The following USP24 variants were observed in gnomAD, a reference collection of about 807,000 sequenced individuals.
USP24 encodes ubiquitin specific peptidase 24, also known as ubiquitin carboxyl-terminal hydrolase 24.
USP24 carries 97 observed loss-of-function variants against 361.6 expected under a neutral mutation model. The ratio of observed to expected loss-of-function variants is 0.27; its 90% CI spans 0.23 to 0.32. The LOEUF (loss-of-function observed/expected upper bound fraction) is 0.32, where lower values mean the gene tolerates loss of function less well. Ranked by LOEUF, USP24 falls within the 10% of genes least tolerant of loss-of-function variation. The pLI is 1.00. For missense variants in USP24, 2,353 were observed against 3,165.6 expected (o/e 0.74, Z 6.16); for synonymous variants, 1,098 against 1,124.6 (o/e 0.98, Z 0.47).
chr1:55,137,882 C>A lies in USP24; in HGVS notation c.2951G>T (p.Gly984Val). 6.3e-7 allele frequency: 1 copy of A among 1,592,086 alleles called. No homozygotes were observed. The highest frequency in any genetic ancestry group is 8.6e-7 in the Non-Finnish European group (1 of 1,168,116). Reference sequence around the variant, plus strand: ...CTTGGCTATTTTCCACCGGACACTCCCTATGGTTTCATTACTGTGAGCCTG... The same window carrying A: ...CTTGGCTATTTTCCACCGGACACTCACTATGGTTTCATTACTGTGAGCCTG... Reference protein sequence around the residue: ...TVEAHSNETIGSVRWKIAKQL... With the variant: ...TVEAHSNETIVSVRWKIAKQL... The change falls in exon 27 of 68, where the codon GGG becomes GTG. Residue 984 changes from glycine (G) to valine (V), a missense_variant. Gly to Val is a moderately radical substitution (Grantham distance 109). Coordinates refer to ENST00000294383, the MANE Select transcript of USP24 (RefSeq NM_015306.3).
chr1:55,147,249 C>G (rs1647052761), intron 18 of USP24, among the ~76,000 whole-genome samples, 189 bp from the exon 19 acceptor site: 1 of 152,066 alleles, frequency 6.6e-6, no homozygotes, highest in African/African-American at 2.4e-5. Context: ...CTATCTATCT[C>G]AAGTCTATTA....
Position 55,068,879 on chromosome 1 carries a change from A to T in USP24, c.*166T>A. The T allele has an allele frequency of 3.0e-6, 2 of 665,218 alleles. No homozygotes were observed. Among genetic ancestry groups the T allele is most frequent in the Non-Finnish European group, 5.0e-6 (2 of 398,664 alleles). The allele number at this position is 665,218 out of a possible 1,614,324, so 41.2% of individuals were successfully genotyped here. A position where few individuals can be genotyped will look rare whatever the true frequency, so the allele number is the denominator to read the frequency against. Reference sequence around the variant, plus strand: ...CTGCCAAACAGCTCCCAAACCTTCTAGTGGCTTAAAAATGCTTTCCTTGAG... The same window carrying T: ...CTGCCAAACAGCTCCCAAACCTTCTTGTGGCTTAAAAATGCTTTCCTTGAG... On this transcript the variant is annotated 3_prime_UTR_variant, in exon 68 of 68. Coordinates refer to ENST00000294383, the MANE Select transcript of USP24 (RefSeq NM_015306.3).
chr1:55,109,429 T>A, intron 39 of USP24, among the ~76,000 whole-genome samples: 1 of 152,178 alleles, frequency 6.6e-6, no homozygotes, highest in East Asian at 1.9e-4. Context: ...GGGAAAGAGA[T>A]TTGCTTCTTT....
chr1:55,175,656 C>G (rs972306572), intron 3 of USP24, among the ~76,000 whole-genome samples: 1 of 152,186 alleles, frequency 6.6e-6, no homozygotes, highest in Non-Finnish European at 1.5e-5. Flanking sequence ...TGCAACTTTT[C>G]TGAGCTCTTT....
chr1:55,110,844 C>T (rs1645928424), intron 38 of USP24, among the ~76,000 whole-genome samples: 1 of 152,106 alleles, frequency 6.6e-6, no homozygotes, highest in Non-Finnish European at 1.5e-5. Flanking sequence ...GTCCCATGGA[C>T]AACTACTTCA....
Position 55,071,167 on chromosome 1 carries a change from G to A in USP24, c.7800+647C>T, listed in dbSNP as rs140107401. On this transcript the variant is annotated intron_variant, in intron 67 of 67. Coordinates refer to ENST00000294383, the MANE Select transcript of USP24 (RefSeq NM_015306.3). ...TACATCAGTAACATTCATTTAATGG[G>A]GCCTATTCTGTACCAAGTACTGTGA... The A allele has an allele frequency of 4.5e-4, 445 of 985,496 alleles. 2 individuals are homozygous for A. The African/African-American group carries it at 7.0e-3, about 15-fold the overall frequency. 61.0% of individuals were successfully genotyped at this position (985,496 alleles called of 1,614,324 possible). A position where few individuals can be genotyped will look rare whatever the true frequency, so the allele number is the denominator to read the frequency against.
intron 12 of USP24, among the ~76,000 whole-genome samples, chr1:55,156,323 T>C (rs1647654850): frequency 6.6e-6 from 1 of 151,974 alleles, no homozygotes; most frequent in Non-Finnish European, 1.5e-5. Context: ...GCCACAGGAA[T>C]GCCTGCAATT....
chr1:55,179,798 C>T (rs1221185045), intron 1 of USP24, among the ~76,000 whole-genome samples: 2 of 152,184 alleles, frequency 1.3e-5, no homozygotes, highest in Non-Finnish European at 2.9e-5. Flanking sequence ...AATTCCTCTA[C>T]TTCTGTCCAT....
chr1:55,132,693 A>G lies in USP24; in HGVS notation c.3389T>C (p.Leu1130Ser). Residue 1130 changes from leucine (L) to serine (S), a missense_variant, in exon 31 of 68, where the codon TTG becomes TCG. Physicochemically the swap from Leu to Ser is moderately radical, Grantham distance 145. Around this residue, in one of 8 missense-constraint regions of USP24, gnomAD observed 949 missense variants for 1,280.5 expected, o/e 0.74. Transcript: ENST00000294383. Reference sequence around the variant, plus strand: ...GGACTGAGAACTTGATTCAGACAGCAATGTTTTCTAAGTTTAAGAGAATGA... The same window carrying G: ...GGACTGAGAACTTGATTCAGACAGCGATGTTTTCTAAGTTTAAGAGAATGA... ...QLDSLGRKKT[L>S]LSESSSQSSK... 1.2e-6 allele frequency: 2 copies of G among 1,612,404 alleles called. No homozygotes were observed. Among genetic ancestry groups the G allele is most frequent in the Non-Finnish European group, 1.7e-6 (2 of 1,179,114 alleles).
At chr1:55,180,299 C>T (rs1253353984) in intron 1 of USP24, among the ~76,000 whole-genome samples, 1 of 152,170 alleles carries the variant, frequency 6.6e-6, no homozygotes, top group Non-Finnish European at 1.5e-5. Context: ...ATGAAAGGCA[C>T]TACAGCTTCC....
chr1:55,120,733 C>A lies in USP24; in HGVS notation c.4371G>T (p.Gln1457His). Residue 1457 changes from glutamine to histidine, a missense_variant, in exon 38 of 68, where the codon CAG (glutamine) becomes CAT (histidine). This residue lies in a region of USP24 where 949 missense variants were observed against 1,280.5 expected (regional missense o/e 0.74). Coordinates refer to ENST00000294383, the MANE Select transcript of USP24 (RefSeq NM_015306.3). ...TGTCTGTCTGACTAAGAGTGTACAGCTGATCACAGGCAACCCGGCGAATCT... is the reference window on the plus strand; with the variant it reads ...TGTCTGTCTGACTAAGAGTGTACAGATGATCACAGGCAACCCGGCGAATCT... ...SAEIRRVACD[Q>H]LYTLSQTDTS... 6.4e-7 allele frequency: 1 copy of A among 1,571,994 alleles called. No individual in the cohort carries two copies. The highest frequency in any genetic ancestry group is 8.6e-7 in the Non-Finnish European group (1 of 1,158,566).
chr1:55,172,231 G>C, intron 4 of USP24, 146 bp downstream of exon 4: 1 of 848,116 alleles, frequency 1.2e-6, no homozygotes, highest in Non-Finnish European at 1.6e-6. Context: ...TGGTTGCTCT[G>C]CTTTTAAAAT....
intron 1 of USP24, among the ~76,000 whole-genome samples, chr1:55,210,371 C>T (rs1644820115): frequency 1.3e-5 from 2 of 151,184 alleles, no homozygotes; most frequent in African/African-American, 4.9e-5. Flanking sequence ...ACTCTAAAGC[C>T]TTTAAAGGGC....
chr1:55,124,723 C>G (rs1024331103), intron 34 of USP24, 95 bp from the exon 35 acceptor site: 1 of 1,367,718 alleles, frequency 7.3e-7, no homozygotes, highest in African/African-American at 1.4e-5. Context: ...TCATACGCCT[C>G]CTTTCCCTCC....
At chr1:55,147,897 A>T (rs531091660) in intron 17 of USP24, 99 bp from the exon 18 acceptor site, 329 of 1,219,170 alleles carry the variant, frequency 2.7e-4, no homozygotes, top group Non-Finnish European at 3.4e-4. Flanking sequence ...CCTAGATGAG[A>T]CAAAGCAAAC....
At chr1:55,075,654 CA>C in intron 62 of USP24, 131 bp from the exon 63 acceptor site, 5 of 505,564 alleles carry the variant, frequency 9.9e-6, no homozygotes, top group Non-Finnish European at 1.6e-5. Flanking sequence ...ACAACAACAA[CA>C]ACAACAACAA....
Position 55,099,839 on chromosome 1 carries a change from C to T in USP24, c.5302G>A (p.Val1768Met), listed in dbSNP as rs1299154186. 2 of 1,556,164 alleles carry T rather than the reference C, an allele frequency of 1.3e-6. No homozygotes were observed. The highest frequency in any genetic ancestry group is 1.4e-5 in the African/African-American group (1 of 73,386). Residue 1768 changes from valine to methionine, a missense_variant, in exon 45 of 68, where the codon GTG (valine) becomes ATG (methionine). Physicochemically the swap from Val to Met is conservative, Grantham distance 21 (BLOSUM62 1). Around this residue, in one of 8 missense-constraint regions of USP24, gnomAD observed 105 missense variants for 200.3 expected, o/e 0.52. Coordinates refer to ENST00000294383, the MANE Select transcript of USP24 (RefSeq NM_015306.3). Reference sequence around the variant, plus strand: ...TCATATGCATCCTGCTGTTCTCTCACATAAAGTTCTTTATTCCACATCTTG... The same window carrying T: ...TCATATGCATCCTGCTGTTCTCTCATATAAAGTTCTTTATTCCACATCTTG... ...IFKMWNKELY[V>M]REQQDAYEFF... is the part of the protein sequence containing the mutation.
intron 31 of USP24, among the ~76,000 whole-genome samples, chr1:55,132,145 T>C (rs1206746530): frequency 6.6e-6 from 1 of 152,180 alleles, no homozygotes; most frequent in Admixed American, 6.5e-5. Flanking sequence ...AACTGAGTGT[T>C]TGTATTCCCC....
At position 55,079,844 on chromosome 1, in the gene USP24, C is replaced by G. The variant is rs555043421; in HGVS notation, c.7079-185G>C. Among the ~76,000 whole-genome samples, 65 of 151,720 alleles carry G rather than the reference C, an allele frequency of 4.3e-4. 2 individuals carry two copies. In the East Asian group the frequency reaches 4.6e-3, roughly 11 times the overall value. On this transcript the variant is annotated intron_variant, in intron 59 of 67. Coordinates refer to ENST00000294383, the MANE Select transcript of USP24 (RefSeq NM_015306.3). ...AGAGTACTTGCACACACAGTACTCA[C>G]ACACAGAGTACTCGTGCACACTGAG...
Sources: allele counts gnomAD v4.1 joint callset (sites outside exome capture counted in the v4.1 genomes callset), GRCh38; gene constraint gnomAD v4.1.1; regional missense constraint gnomAD v4.1.1; transcripts MANE v1.5; gene names NCBI Gene and HGNC (gene_info 2026-07-23, HGNC 2026-07-21).